The following SNX29 variants were observed in gnomAD, a reference collection of about 807,000 sequenced individuals.
SNX29 encodes sorting nexin 29, also known as sorting nexin-29.
In SNX29, 78 loss-of-function variants were observed where a neutral mutation model predicts 102.1. That is an observed-to-expected ratio of 0.76 (90% CI 0.64 to 0.92). The LOEUF is 0.92. Among genes scored for constraint, SNX29 ranks in the 40% least tolerant of loss-of-function variants. The pLI is 0.00. For missense variants in SNX29, 1,280 were observed against 1,061.7 expected (o/e 1.21, Z -2.86); for synonymous variants, 580 against 414.5 (o/e 1.40, Z -4.85).
intron 20 of SNX29, among the ~76,000 whole-genome samples, chr16:12,552,670 G>A (rs1415674743): frequency 6.6e-6 from 1 of 152,242 alleles, no homozygotes; most frequent in Non-Finnish European, 1.5e-5. Flanking sequence ...CCCAGGCCAT[G>A]CAGGGCGTTT....
chr16:12,024,558 T>C (rs2057135123), intron 3 of SNX29, among the ~76,000 whole-genome samples: 1 of 152,178 alleles, frequency 6.6e-6, no homozygotes, highest in African/African-American at 2.4e-5. Context: ...GGCATCATAG[T>C]GATCTAATTA....
At chr16:12,403,240 GTGTGTGTGTGTGTGT>G (rs1567527932) in intron 17 of SNX29, among the ~76,000 whole-genome samples, 193 bp from the exon 18 acceptor site, 35 of 145,264 alleles carry the variant, frequency 2.4e-4, no homozygotes, top group African/African-American at 5.0e-4. Flanking sequence ...GTGTGTGTGT[GTGTGTGTGTGTGTGT>G]AGAGAGAGAC....
intron 14 of SNX29, among the ~76,000 whole-genome samples, chr16:12,262,316 G>T (rs1427705083): frequency 6.6e-6 from 1 of 152,206 alleles, no homozygotes; most frequent in Non-Finnish European, 1.5e-5. Flanking sequence ...TGAGGTGACT[G>T]TTCAGGGTCA....
At chr16:12,430,303 G>C (rs544042454) in intron 18 of SNX29, among the ~76,000 whole-genome samples, 1 of 152,204 alleles carries the variant, frequency 6.6e-6, no homozygotes, top group African/African-American at 2.4e-5. Context: ...TGCACAGTGG[G>C]GGCAATGCCA....
At chr16:12,543,642 C>T (rs533502526) in intron 20 of SNX29, among the ~76,000 whole-genome samples, 11 of 152,188 alleles carry the variant, frequency 7.2e-5, no homozygotes, top group Admixed American at 2.6e-4. Context: ...CAGCTGGTGC[C>T]GTCTGTCTCC....
At chr16:12,502,078 T>C (rs1445230173) in intron 19 of SNX29, among the ~76,000 whole-genome samples, 1 of 152,200 alleles carries the variant, frequency 6.6e-6, no homozygotes, top group African/African-American at 2.4e-5. Context: ...ACCTGCTTAG[T>C]GTCCAGGCTC....
intron 20 of SNX29, among the ~76,000 whole-genome samples, chr16:12,562,239 G>A (rs150165886): frequency 2.4e-4 from 37 of 152,190 alleles, no homozygotes; most frequent in African/African-American, 7.5e-4. Context: ...AGAAGTGAAG[G>A]GCGAGGGCAT....
intron 13 of SNX29, among the ~76,000 whole-genome samples, chr16:12,133,273 T>A (rs1332690487): frequency 6.8e-6 from 1 of 147,322 alleles, no homozygotes; most frequent in Non-Finnish European, 1.5e-5. Context: ...TCTGTTTCCT[T>A]AGTGTGGGTT....
intron 19 of SNX29, among the ~76,000 whole-genome samples, chr16:12,499,971 C>G (rs1214450605): frequency 1.3e-5 from 2 of 151,968 alleles, no homozygotes; most frequent in African/African-American, 4.8e-5. Flanking sequence ...GCCATGGTGC[C>G]CAGCCTGCAT....
At chr16:12,133,610 T>C (rs75990350) in intron 13 of SNX29, among the ~76,000 whole-genome samples, 2,466 of 152,286 alleles carry the variant, frequency 0.016, 67 homozygotes, top group African/African-American at 0.056. Context: ...AGTTTTAAAA[T>C]GGTAATAAGT....
intron 14 of SNX29, among the ~76,000 whole-genome samples, chr16:12,217,416 G>GT (rs1179583199): frequency 6.6e-6 from 1 of 152,186 alleles, no homozygotes; most frequent in East Asian, 1.9e-4. Flanking sequence ...TAGAGATACG[G>GT]TGATGGGGTC....
chr16:12,309,998 A>G (rs1773142591), intron 15 of SNX29, among the ~76,000 whole-genome samples: 2 of 152,152 alleles, frequency 1.3e-5, no homozygotes, highest in Admixed American at 1.3e-4. Context: ...ACCAAGATAA[A>G]CACAGACGTG....
rs575927521 is a variant in SNX29 at position 12,078,898 on chromosome 16, C to A, written c.1385C>A (p.Pro462Gln). 6.2e-7 allele frequency: 1 copy of A among 1,604,496 alleles called. No homozygotes were observed. Among genetic ancestry groups the A allele is most frequent in the East Asian group, 2.2e-5 (1 of 44,602 alleles). Residue 462 changes from proline to glutamine, a missense_variant, in exon 11 of 21, where the codon CCA (proline) becomes CAA (glutamine). Transcript: ENST00000566228. ...LSSLLPSASVPESMTISELRQ... is the reference protein window; with the variant it reads ...LSSLLPSASVQESMTISELRQ... ...AGCCTGTTACCTTCTGCCTCAGTGCCAGAGTCCATGACAATTAGTAAGTAC... is the reference window on the plus strand; with the variant it reads ...AGCCTGTTACCTTCTGCCTCAGTGCAAGAGTCCATGACAATTAGTAAGTAC...
chr16:12,262,337 C>T (rs948596773), intron 14 of SNX29, among the ~76,000 whole-genome samples: 1 of 152,174 alleles, frequency 6.6e-6, no homozygotes, highest in African/African-American at 2.4e-5. Context: ...CAGAACACTC[C>T]CTGGGAATTT....
intron 15 of SNX29, among the ~76,000 whole-genome samples, chr16:12,354,787 T>TA (rs2082085080): frequency 6.6e-6 from 1 of 152,220 alleles, no homozygotes; most frequent in Non-Finnish European, 1.5e-5. Flanking sequence ...GACTCAACCT[T>TA]TTCTTATCCA....
At chr16:12,164,536 T>C (rs1478719890) in intron 13 of SNX29, among the ~76,000 whole-genome samples, 1 of 152,156 alleles carries the variant, frequency 6.6e-6, no homozygotes, top group East Asian at 1.9e-4. Flanking sequence ...TTTTGGTTGA[T>C]AATATTTCTT....
At chr16:12,192,666 C>G (rs148318918) in intron 13 of SNX29, among the ~76,000 whole-genome samples, 2 of 151,098 alleles carry the variant, frequency 1.3e-5, no homozygotes, top group Non-Finnish European at 3.0e-5. Flanking sequence ...CACATGTCAC[C>G]GTGTCCAGCT....
chr16:12,361,701 T>G (rs557756891), intron 16 of SNX29, among the ~76,000 whole-genome samples: 1 of 152,358 alleles, frequency 6.6e-6, no homozygotes, highest in East Asian at 1.9e-4. Flanking sequence ...TCTTAAACTT[T>G]TTTTCATATT....
chr16:12,089,055 C>T (rs936949343), intron 11 of SNX29, among the ~76,000 whole-genome samples: 15 of 151,238 alleles, frequency 9.9e-5, no homozygotes, highest in Non-Finnish European at 1.8e-4. Flanking sequence ...CACTGCATTA[C>T]AGCCTAGGAG....
Sources: gnomAD v4.1 joint callset for allele counts (sites outside exome capture counted in the v4.1 genomes callset) on GRCh38, gnomAD v4.1.1 for gene constraint, MANE v1.5 for transcripts, NCBI Gene and HGNC (gene_info 2026-07-23, HGNC 2026-07-21) for gene names.